Variants in NACC2 observed in about 807,000 individuals in gnomAD.
NACC2 encodes nucleus accumbens-associated protein 2.
In NACC2, 8 loss-of-function variants were observed where a neutral mutation model predicts 25.1. The ratio of observed to expected loss-of-function variants is 0.32; its 90% CI spans 0.19 to 0.57. The LOEUF (loss-of-function observed/expected upper bound fraction) is 0.57, where lower values mean the gene tolerates loss of function less well. NACC2 is among the 20% of genes least tolerant of loss of function. The probability of loss-of-function intolerance (pLI) is 0.89; values close to 1 mark genes in which losing one functional copy is unlikely to be tolerated. For missense variants in NACC2, 644 were observed against 650.2 expected, an observed-to-expected ratio of 0.99 and a Z score of 0.10; for synonymous variants, 435 against 294.7, an observed-to-expected ratio of 1.48 and a Z score of -4.88.
chr9:136,090,134 A>T (rs1830420231), intron 1 of NACC2, among the ~76,000 whole-genome samples: 1 of 152,272 alleles, frequency 6.6e-6, no homozygotes, highest in Admixed American at 6.5e-5. Context: ...AGAATTCAGC[A>T]AAGATGGTAC....
In NACC2 at chr9:136,084,346, C is replaced by T. The variant is rs767883288; in HGVS notation, c.-60+10843G>A. On this transcript the variant is annotated intron_variant, in intron 1 of 5. Transcript: ENST00000277554. This position sits in a 1 kb window ranked among gnomAD's most constrained non-coding sequence, Gnocchi z 5.1. ...GCACACCTGGGGCCTTCACCAAAGG[C>T]GGGTTGCTGGAGGGCTGCTTCCGAG... Among the ~76,000 whole-genome samples, 6 of 152,152 alleles carry T rather than the reference C, an allele frequency of 3.9e-5. No individual in the cohort carries two copies. Among genetic ancestry groups the T allele is most frequent in the East Asian group, 1.9e-4 (1 of 5,184 alleles).
chr9:136,029,669 C>T (rs1295452828), intron 2 of NACC2, among the ~76,000 whole-genome samples: 2 of 152,194 alleles, frequency 1.3e-5, no homozygotes, highest in Non-Finnish European at 2.9e-5. Context: ...TTCCAGGTGC[C>T]ACCGTGTTTC....
At chr9:136,021,623 G>A (rs1431982297) in intron 2 of NACC2, among the ~76,000 whole-genome samples, 1 of 152,174 alleles carries the variant, frequency 6.6e-6, no homozygotes, top group African/African-American at 2.4e-5. Flanking sequence ...AGAAAAATGG[G>A]AGTTTATCTC....
chr9:136,034,296 G>A (rs1172259475), intron 2 of NACC2, among the ~76,000 whole-genome samples: 3 of 152,042 alleles, frequency 2.0e-5, no homozygotes, highest in Non-Finnish European at 4.4e-5. Flanking sequence ...CATGCCAGAC[G>A]TACTACAGAT....
intron 1 of NACC2, among the ~76,000 whole-genome samples, chr9:136,065,825 A>G (rs922834890): frequency 6.7e-6 from 1 of 150,358 alleles, no homozygotes; most frequent in African/African-American, 2.4e-5. Flanking sequence ...AAAAAAAAAG[A>G]AAAGGAAAGA....
At chr9:136,035,774 A>T (rs925821308) in intron 2 of NACC2, among the ~76,000 whole-genome samples, 1 of 152,210 alleles carries the variant, frequency 6.6e-6, no homozygotes, top group African/African-American at 2.4e-5. Context: ...CTTACTTTCA[A>T]ATGGTTTAGT....
Position 136,022,909 on chromosome 9 carries a change from G to A in NACC2, c.887-6480C>T, listed in dbSNP as rs973839074. ...ATCACCAATTACCACGCCATGCCAC[G>A]CCACACCGTGCCTGTTAAGACACAG... On this transcript the variant is annotated intron_variant, in intron 2 of 5. Transcript: ENST00000277554. This position sits in a 1 kb window ranked among gnomAD's most constrained non-coding sequence, Gnocchi z 4.4. Among the ~76,000 whole-genome samples, 3 of 108,768 alleles carry A rather than the reference G, an allele frequency of 2.8e-5. No individual in the cohort carries two copies. Among genetic ancestry groups the A allele is most frequent in the Admixed American group, 1.8e-4 (2 of 10,856 alleles). The allele number at this position is 108,768 out of a possible 152,430, so 71.4% of individuals were successfully genotyped here.
At chr9:136,069,272 C>T (rs943839986) in intron 1 of NACC2, among the ~76,000 whole-genome samples, 6 of 145,848 alleles carry the variant, frequency 4.1e-5, no homozygotes, top group African/African-American at 8.4e-5. Flanking sequence ...ATTGACTGGG[C>T]GCGGTGGCTC....
chr9:136,026,686 G>C (rs1035755921), intron 2 of NACC2, among the ~76,000 whole-genome samples: 1 of 152,186 alleles, frequency 6.6e-6, no homozygotes, highest in African/African-American at 2.4e-5. Context: ...AACATACACA[G>C]AATTAACACA....
intron 1 of NACC2, among the ~76,000 whole-genome samples, chr9:136,085,463 C>T (rs1211252908): frequency 6.8e-6 from 1 of 147,898 alleles, no homozygotes; most frequent in African/African-American, 2.5e-5. Context: ...GCTGCGATTG[C>T]ACCACTGCAC....
chr9:136,044,628 G>A (rs1840692547), intron 2 of NACC2, among the ~76,000 whole-genome samples: 1 of 152,232 alleles, frequency 6.6e-6, no homozygotes, highest in Non-Finnish European at 1.5e-5. Flanking sequence ...CCACAAGGCA[G>A]CAGAGTGGGG....
intron 2 of NACC2, among the ~76,000 whole-genome samples, chr9:136,024,484 CAG>C (rs1197781028): frequency 9.6e-5 from 7 of 73,056 alleles, no homozygotes; most frequent in South Asian, 5.4e-4. Flanking sequence ...CGTGTGAGGA[CAG>C]TGTGTGTGAG....
chr9:136,065,636 A>C (rs1430469365), intron 1 of NACC2, among the ~76,000 whole-genome samples: 1 of 151,918 alleles, frequency 6.6e-6, no homozygotes, highest in African/African-American at 2.4e-5. Context: ...ATAAATAAGT[A>C]AATAAACAAA....
At chr9:136,027,568 C>T (rs368136544) in intron 2 of NACC2, among the ~76,000 whole-genome samples, 1 of 151,868 alleles carries the variant, frequency 6.6e-6, no homozygotes, top group East Asian at 1.9e-4. Flanking sequence ...AAAAAGATGA[C>T]CAGAAAATCC....
chr9:136,038,142 G>A (rs929455098), intron 2 of NACC2, among the ~76,000 whole-genome samples: 1 of 152,222 alleles, frequency 6.6e-6, no homozygotes, highest in Non-Finnish European at 1.5e-5. Flanking sequence ...GGAGTCAGGG[G>A]AAGCGGGGGG....
At chr9:136,033,936 TGTGTGA>T (rs1178215778) in intron 2 of NACC2, among the ~76,000 whole-genome samples, 36 of 144,872 alleles carry the variant, frequency 2.5e-4, no homozygotes, top group Non-Finnish European at 4.3e-4. Flanking sequence ...TGTGTGTGTG[TGTGTGA>T]GATATTTGGC....
intron 1 of NACC2, among the ~76,000 whole-genome samples, chr9:136,082,349 C>T (rs917522963): frequency 6.6e-6 from 1 of 152,244 alleles, no homozygotes; most frequent in Admixed American, 6.5e-5. Flanking sequence ...GCCTGTGCCA[C>T]GTGCTGAGCC....
rs548132979 is a variant in NACC2 at position 136,017,985 on chromosome 9, G to A, written c.887-1556C>T. On this transcript the variant is annotated intron_variant, in intron 2 of 5. Transcript: ENST00000277554. ...GCCGAGGGCACGGCATGGTCCCCTC[G>A]GCAGCCTCAGTGTGATGGGAAGTCC... 1.1e-4 allele frequency among the ~76,000 whole-genome samples: 16 copies of A among 152,258 alleles called. No homozygotes were observed. In the East Asian group the frequency reaches 2.9e-3, roughly 28 times the overall value.
At chr9:136,094,941 G>A (rs1830473360) in intron 1 of NACC2, among the ~76,000 whole-genome samples, 2 of 147,096 alleles carry the variant, frequency 1.4e-5, no homozygotes, top group Admixed American at 1.3e-4. Context: ...GGGGTCGCGG[G>A]CGCCTCCGCC....
Sources: allele counts gnomAD v4.1 joint callset (sites outside exome capture counted in the v4.1 genomes callset), GRCh38; gene constraint gnomAD v4.1.1; non-coding constraint Gnocchi (gnomAD v3.1); transcripts MANE v1.5; gene names NCBI Gene and HGNC (gene_info 2026-07-23, HGNC 2026-07-21).